LRRK2: variants seen among roughly 807,000 people sequenced by gnomAD.
LRRK2 encodes the protein leucine rich repeat kinase 2, also known as leucine-rich repeat serine/threonine-protein kinase 2.
LRRK2 carries 203 observed loss-of-function variants against 302.6 expected under a neutral mutation model. That is an observed-to-expected ratio of 0.67 (90% CI 0.60 to 0.75). LRRK2 has a LOEUF of 0.75. Among genes scored for constraint, LRRK2 ranks in the 30% least tolerant of loss-of-function variants. The pLI is 0.00. For missense variants in LRRK2, 2,830 were observed against 2,951.0 expected (o/e 0.96, Z 0.95); for synonymous variants, 1,066 against 1,031.9 (o/e 1.03, Z -0.63).
At chr12:40,239,563 C>A (rs1941632724) in intron 5 of LRRK2, among the ~76,000 whole-genome samples, 1 of 152,058 alleles carries the variant, frequency 6.6e-6, no homozygotes, top group South Asian at 2.1e-4. Context: ...AATAGAAAAA[C>A]CATCAGTGCT....
chr12:40,283,944 G>A lies in LRRK2; in HGVS notation c.2311G>A (p.Val771Ile), dbSNP rs371316424. ...LLNSGSREQDVRKALTISIGK... is the reference protein window; with the variant it reads ...LLNSGSREQDIRKALTISIGK... ...GAATAGTGGATCTCGTGAACAAGAT[G>A]TACGAAAAGCGTTGACGATAAGCAT... The change falls in exon 19 of 51, where the codon GTA becomes ATA. Residue 771 changes from valine to isoleucine, a missense_variant. This residue lies in a region of LRRK2 where 2,121 missense variants were observed against 2,148.0 expected (regional missense o/e 0.99). Transcript: ENST00000298910. 6.8e-6 allele frequency: 11 copies of A among 1,613,734 alleles called. No homozygotes were observed. Among genetic ancestry groups the A allele is most frequent in the African/African-American group, 6.7e-5 (5 of 74,910 alleles).
At chr12:40,312,307 A>G (rs749617595) in intron 31 of LRRK2, among the ~76,000 whole-genome samples, 1 of 152,160 alleles carries the variant, frequency 6.6e-6, no homozygotes, top group East Asian at 1.9e-4. Context: ...AAAGAAAAGT[A>G]TATATTGCTA....
At chr12:40,294,757 C>G (rs1944313030) in intron 21 of LRRK2, 88 bp from the exon 22 acceptor site, 1 of 730,088 alleles carries the variant, frequency 1.4e-6, no homozygotes, top group Non-Finnish European at 2.3e-6. Context: ...ACCATTAACC[C>G]TATTAAAATT....
chr12:40,332,815 T>G (rs1945749782), intron 39 of LRRK2, among the ~76,000 whole-genome samples: 1 of 152,084 alleles, frequency 6.6e-6, no homozygotes, highest in African/African-American at 2.4e-5. Flanking sequence ...TTTCAAATTT[T>G]ACACCATGTG....
Position 40,313,962 on chromosome 12 carries a change from A to C in LRRK2, c.4537-10A>C, listed in dbSNP as rs1426735626. ...TAGATTTTTACGGCTTGTCATTTGTAATTTCATAGATCCGAGATCAGCTTG... is the reference window on the plus strand; with the variant it reads ...TAGATTTTTACGGCTTGTCATTTGTCATTTCATAGATCCGAGATCAGCTTG... On this transcript the variant is annotated splice_polypyrimidine_tract_variant and intron_variant, in intron 31 of 50. Coordinates refer to ENST00000298910, the MANE Select transcript of LRRK2 (RefSeq NM_198578.4). The C allele has an allele frequency of 5.0e-6, 8 of 1,608,264 alleles. No individual in the cohort carries two copies. Among genetic ancestry groups the C allele is most frequent in the Non-Finnish European group, 6.8e-6 (8 of 1,177,306 alleles).
At chr12:40,251,653 G>A (rs1279590566) in intron 10 of LRRK2, 109 bp downstream of exon 10, 4 of 998,936 alleles carry the variant, frequency 4.0e-6, no homozygotes, top group South Asian at 2.9e-5. Flanking sequence ...TTTGATATAG[G>A]CATTTAGTTT....
At chr12:40,315,059 A>G (rs530060814) in intron 32 of LRRK2, among the ~76,000 whole-genome samples, 153 bp from the exon 33 acceptor site, 7 of 152,084 alleles carry the variant, frequency 4.6e-5, no homozygotes, top group Admixed American at 1.3e-4. Flanking sequence ...ACTTTAGACC[A>G]TAGGATGCAC....
intron 31 of LRRK2, among the ~76,000 whole-genome samples, chr12:40,311,558 A>G (rs1945039010): frequency 6.6e-6 from 1 of 152,208 alleles, no homozygotes. Context: ...CAGTCCCAGC[A>G]TAATTATGTA....
At position 40,318,066 on chromosome 12, in the gene LRRK2, G is replaced by A. The variant is rs192641850; in HGVS notation, c.4828-1922G>A. Among the ~76,000 whole-genome samples, 200 of 152,076 alleles carry A rather than the reference G, an allele frequency of 1.3e-3. 1 individual carries two copies. The highest frequency in any genetic ancestry group is 2.3e-3 in the Non-Finnish European group (155 of 67,944). ...GCTAAGTTGGGCTTCCTCGTGGCACGGTGATCACAGAATAATTAGACATCT... is the reference window on the plus strand; with the variant it reads ...GCTAAGTTGGGCTTCCTCGTGGCACAGTGATCACAGAATAATTAGACATCT... On this transcript the variant is annotated intron_variant, in intron 33 of 50. Transcript: ENST00000298910.
Position 40,278,331 on chromosome 12 carries a change from G to A in LRRK2, c.2241+70G>A, listed in dbSNP as rs1276189885. On this transcript the variant is annotated intron_variant, in intron 18 of 50. Coordinates refer to ENST00000298910, the MANE Select transcript of LRRK2 (RefSeq NM_198578.4). ...TAGAATGTAAGAGCCCTGCCATTGT[G>A]TATCTCTTACTTATATCATATTATT... The A allele has an allele frequency of 2.3e-5, 36 of 1,543,356 alleles. No homozygotes were observed. The Middle Eastern group carries it at 6.8e-4, about 29-fold the overall frequency.
intron 39 of LRRK2, 141 bp from the exon 40 acceptor site, chr12:40,334,826 C>A: frequency 1.0e-6 from 1 of 980,410 alleles, no homozygotes; most frequent in Non-Finnish European, 1.6e-6. Flanking sequence ...GGAAAAAAAA[C>A]TCAGAGAAGA....
chr12:40,298,856 CTA>C lies in LRRK2; in HGVS notation c.3348-247_3348-246del, dbSNP rs1944504066. Among the ~76,000 whole-genome samples, 7 of 75,444 alleles carry C rather than the reference CTA, an allele frequency of 9.3e-5. No individual in the cohort carries two copies. The East Asian group carries it at 2.3e-3, about 25-fold the overall frequency. The allele number at this position is 75,444 out of a possible 152,430, so 49.5% of individuals were successfully genotyped here. ...TATATATATTTATTATATATAATACCTATATATTATATATATACTATATATAA... is the reference window on the plus strand; with the variant it reads ...TATATATATTTATTATATATAATACCTATATTATATATATACTATATATAA... On this transcript the variant is annotated intron_variant, in intron 24 of 50. Transcript: ENST00000298910.
chr12:40,328,964 G>A (rs1945631705), intron 39 of LRRK2, among the ~76,000 whole-genome samples: 1 of 152,112 alleles, frequency 6.6e-6, no homozygotes, highest in South Asian at 2.1e-4. Flanking sequence ...TACTTTTCTG[G>A]TCTAGGGAGA....
intron 7 of LRRK2, among the ~76,000 whole-genome samples, chr12:40,249,187 A>G (rs1942144367): frequency 6.6e-6 from 1 of 152,150 alleles, no homozygotes; most frequent in Non-Finnish European, 1.5e-5. Flanking sequence ...GAAGGTACAT[A>G]TTTCTGCAGT....
At chr12:40,313,352 T>A (rs1269354269) in intron 31 of LRRK2, among the ~76,000 whole-genome samples, 1 of 152,018 alleles carries the variant, frequency 6.6e-6, no homozygotes, top group Non-Finnish European at 1.5e-5. Context: ...GTGATTAGAT[T>A]CTAAGAGCAA....
chr12:40,291,588 A>T (rs1027318642), intron 20 of LRRK2, among the ~76,000 whole-genome samples: 2 of 151,394 alleles, frequency 1.3e-5, no homozygotes, highest in Admixed American at 6.6e-5. Context: ...CAGATAACCT[A>T]CTCTGATGAT....
At chr12:40,266,490 AG>A (rs1385455353) in intron 14 of LRRK2, among the ~76,000 whole-genome samples, 2 of 152,324 alleles carry the variant, frequency 1.3e-5, no homozygotes, top group African/African-American at 4.8e-5. Context: ...ATCATTAAAA[AG>A]TCAGGAAACA....
chr12:40,306,461 C>A (rs1394501956), intron 28 of LRRK2, among the ~76,000 whole-genome samples: 1 of 152,152 alleles, frequency 6.6e-6, no homozygotes, highest in East Asian at 1.9e-4. Context: ...ACCAAAACTT[C>A]TCAAGTATCA....
chr12:40,331,327 C>T (rs1945705773), intron 39 of LRRK2, among the ~76,000 whole-genome samples: 1 of 152,202 alleles, frequency 6.6e-6, no homozygotes, highest in Non-Finnish European at 1.5e-5. Flanking sequence ...CAAAGGGATA[C>T]TCTGTTCTTT....
Sources: allele counts gnomAD v4.1 joint callset (sites outside exome capture counted in the v4.1 genomes callset), GRCh38; gene constraint gnomAD v4.1.1; regional missense constraint gnomAD v4.1.1; transcripts MANE v1.5; gene names NCBI Gene and HGNC (gene_info 2026-07-23, HGNC 2026-07-21).